The following UGT1A7 variants were observed in gnomAD, a reference collection of about 807,000 sequenced individuals.
UGT1A7 encodes UDP glucuronosyltransferase family 1 member A7, also known as UDP-glucuronosyltransferase 1A7.
Under a neutral mutation model 45.6 loss-of-function variants are expected in UGT1A7, and 33 were observed. The ratio of observed to expected loss-of-function variants is 0.72; its 90% CI spans 0.55 to 0.97. UGT1A7 has a LOEUF of 0.97. Among genes scored for constraint, UGT1A7 ranks in the 50% least tolerant of loss-of-function variants. The pLI is 0.00. For synonymous variants in UGT1A7, 274 were observed against 250.6 expected (o/e 1.09, Z -0.88); for missense variants, 684 against 666.2 (o/e 1.03, Z -0.29).
intron 1 of UGT1A7, chr2:233,692,747 GACTTGT>G (rs1369866976): frequency 9.1e-7 from 1 of 1,095,760 alleles, no homozygotes; most frequent in Non-Finnish European, 1.2e-6. Context: ...GGGAGAAGCA[GACTTGT>G]GGAGCTGAAG....
At position 233,725,191 on chromosome 2, in the gene UGT1A7, C is replaced by G. The variant is rs191532024; in HGVS notation, c.856-41843C>G. ...GGGAGACCGTGGGGAGAGGCAGAGG[C>G]AGAGGCAGAGGCAGAGGCAGAGGCA... On this transcript the variant is annotated intron_variant, in intron 1 of 4. Coordinates refer to ENST00000373426, the MANE Select transcript of UGT1A7 (RefSeq NM_019077.3). 5.0e-3 allele frequency among the ~76,000 whole-genome samples: 361 copies of G among 72,876 alleles called. 32 individuals carry two copies. The highest frequency in any genetic ancestry group is 0.021 in the African/African-American group (183 of 8,670). 47.8% of individuals were successfully genotyped at this position (72,876 alleles called of 152,430 possible).
At chr2:233,700,549 G>A (rs563571218) in intron 1 of UGT1A7, among the ~76,000 whole-genome samples, 28 of 151,836 alleles carry the variant, frequency 1.8e-4, no homozygotes, top group African/African-American at 6.3e-4. Flanking sequence ...GAGAATAAGG[G>A]GTTATAAAAA....
intron 1 of UGT1A7, among the ~76,000 whole-genome samples, chr2:233,737,102 G>T (rs992623703): frequency 6.6e-6 from 1 of 152,236 alleles, no homozygotes; most frequent in Non-Finnish European, 1.5e-5. Context: ...TAAGTCTGCT[G>T]TTCCCCACAT....
chr2:233,723,506 G>T (rs2077088839), intron 1 of UGT1A7, among the ~76,000 whole-genome samples: 1 of 130,702 alleles, frequency 7.7e-6, no homozygotes, highest in Non-Finnish European at 1.6e-5. Context: ...CACTGCACCT[G>T]GTCAACAATC....
chr2:233,717,696 G>A (rs1442424545), intron 1 of UGT1A7: 1 of 445,086 alleles, frequency 2.2e-6, no homozygotes, highest in Non-Finnish European at 4.6e-6. Context: ...GTGACTTTCT[G>A]GAGCAGGACG....
Position 233,682,599 on chromosome 2 carries a change from C to A in UGT1A7, c.662C>A (p.Pro221His), listed in dbSNP as rs765399769. 3 of 1,613,876 alleles carry A rather than the reference C, an allele frequency of 1.9e-6. No individual in the cohort carries two copies. The highest frequency in any genetic ancestry group is 1.3e-5 in the African/African-American group (1 of 75,012). ...CACTTGGAGGAACATTTATTTTGCCCCTATTTTTTCAAAAATGTCTTAGAA... is the reference window on the plus strand; with the variant it reads ...CACTTGGAGGAACATTTATTTTGCCACTATTTTTTCAAAAATGTCTTAGAA... ...IMHLEEHLFCPYFFKNVLEIA... is the reference protein window; with the variant it reads ...IMHLEEHLFCHYFFKNVLEIA... The change falls in exon 1 of 5, where the codon CCC becomes CAC. Residue 221 changes from proline (P) to histidine (H), a missense_variant. Transcript: ENST00000373426.
At chr2:233,717,752 T>C (rs1429389060) in intron 1 of UGT1A7, 2 of 456,612 alleles carry the variant, frequency 4.4e-6, no homozygotes, top group South Asian at 3.1e-5. Flanking sequence ...GGTCTCCCCC[T>C]AGAAAGGCAC....
intron 1 of UGT1A7, chr2:233,760,103 T>C: frequency 1.7e-6 from 2 of 1,163,022 alleles, no homozygotes; most frequent in Non-Finnish European, 2.3e-6. Context: ...TGTTGCCTAT[T>C]AAGAAACCTA....
At chr2:233,684,756 T>C (rs1404556453) in intron 1 of UGT1A7, among the ~76,000 whole-genome samples, 1 of 152,116 alleles carries the variant, frequency 6.6e-6, no homozygotes, top group Non-Finnish European at 1.5e-5. Flanking sequence ...CAAAGAAGAA[T>C]TCAGATCATA....
intron 1 of UGT1A7, among the ~76,000 whole-genome samples, chr2:233,716,363 G>A (rs914574200): frequency 6.6e-6 from 1 of 152,108 alleles, no homozygotes; most frequent in Non-Finnish European, 1.5e-5. Context: ...ATACTTTGTG[G>A]GGCTGTGATT....
At chr2:233,744,122 C>T in intron 1 of UGT1A7, 1 of 368,854 alleles carries the variant, frequency 2.7e-6, no homozygotes, top group Non-Finnish European at 5.1e-6. Flanking sequence ...CTCTGTGAGG[C>T]TCTGTGAGGC....
chr2:233,690,518 A>G, intron 1 of UGT1A7: 1 of 1,289,690 alleles, frequency 7.8e-7, no homozygotes, highest in Non-Finnish European at 1.0e-6. Context: ...GTTTTATCTT[A>G]GGATCTACTT....
chr2:233,757,874 A>G (rs1242256383), intron 1 of UGT1A7, among the ~76,000 whole-genome samples: 10 of 152,078 alleles, frequency 6.6e-5, no homozygotes, highest in Admixed American at 5.9e-4. Flanking sequence ...AAGTAGCTTC[A>G]AAAGGGTTCC....
rs150219224 is a variant in UGT1A7 at position 233,717,206 on chromosome 2, C to T, written c.855+34414C>T. ...CCCTCCCAGGCATGTTCCACCCTCA[C>T]CCCGGGCTCATCAGGAGGGTTCTTA... On this transcript the variant is annotated intron_variant, in intron 1 of 4. Transcript: ENST00000373426. 4.2e-3 allele frequency among the ~76,000 whole-genome samples: 642 copies of T among 152,286 alleles called. 13 individuals are homozygous for T. The highest frequency in any genetic ancestry group is 0.038 in the Admixed American group (585 of 15,298).
At chr2:233,688,441 C>G (rs10168416) in intron 1 of UGT1A7, among the ~76,000 whole-genome samples, 45,384 of 152,094 alleles carry the variant, frequency 0.3, 7,124 homozygotes, top group South Asian at 0.4. Flanking sequence ...CTGACTGCCT[C>G]CCTGTGTTGA....
At chr2:233,718,222 C>T (rs1241486785) in intron 1 of UGT1A7, among the ~76,000 whole-genome samples, 1 of 152,182 alleles carries the variant, frequency 6.6e-6, no homozygotes, top group Non-Finnish European at 1.5e-5. Context: ...ACAGCCACTT[C>T]AGAGAGAGTC....
intron 1 of UGT1A7, chr2:233,690,440 C>T: frequency 7.8e-7 from 1 of 1,280,204 alleles, no homozygotes; most frequent in Non-Finnish European, 1.0e-6. Flanking sequence ...TTGGGTCTCT[C>T]CTCTATTCAA....
chr2:233,760,983 C>T (rs752251675), intron 1 of UGT1A7: 4 of 1,614,060 alleles, frequency 2.5e-6, no homozygotes, highest in Non-Finnish European at 8.5e-7. Flanking sequence ...CGTATGCAAC[C>T]CTTGCCTCAG....
intron 1 of UGT1A7, among the ~76,000 whole-genome samples, chr2:233,696,367 C>T (rs2075340033): frequency 1.3e-5 from 2 of 151,946 alleles, no homozygotes; most frequent in Admixed American, 1.3e-4. Flanking sequence ...AAATTTATTC[C>T]TAGGTATTAT....
Sources: gnomAD v4.1 joint callset for allele counts (sites outside exome capture counted in the v4.1 genomes callset) on GRCh38, gnomAD v4.1.1 for gene constraint, MANE v1.5 for transcripts, NCBI Gene and HGNC (gene_info 2026-07-23, HGNC 2026-07-21) for gene names.